The following GUCY1B1 variants were observed in gnomAD, a reference collection of about 807,000 sequenced individuals.
GUCY1B1 encodes guanylate cyclase 1 soluble subunit beta 1.
GUCY1B1 carries 43 observed loss-of-function variants against 71.0 expected under a neutral mutation model. The ratio of observed to expected loss-of-function variants is 0.61; its 90% CI spans 0.47 to 0.78. The LOEUF is 0.78. GUCY1B1 is among the 30% of genes least tolerant of loss of function. GUCY1B1 has a pLI of 0.00. For missense variants in GUCY1B1, 535 were observed against 754.1 expected (o/e 0.71, Z 3.40); for synonymous variants, 266 against 259.7 (o/e 1.02, Z -0.23).
At chr4:155,763,126 G>A (rs903822539) in intron 2 of GUCY1B1, among the ~76,000 whole-genome samples, 6 of 152,192 alleles carry the variant, frequency 3.9e-5, no homozygotes, top group Middle Eastern at 6.8e-3. Context: ...CCTTCCATCA[G>A]CCCTGACTAA....
intron 4 of GUCY1B1, among the ~76,000 whole-genome samples, chr4:155,788,272 C>T (rs910627723): frequency 2.0e-5 from 3 of 152,188 alleles, no homozygotes; most frequent in Non-Finnish European, 2.9e-5. Flanking sequence ...AGTTATAGGG[C>T]TGAGGACCCA....
chr4:155,786,184 T>C (rs1738750798), intron 4 of GUCY1B1, among the ~76,000 whole-genome samples: 1 of 151,942 alleles, frequency 6.6e-6, no homozygotes, highest in African/African-American at 2.4e-5. Flanking sequence ...ATAAGCACAT[T>C]GGTACATTGA....
At position 155,790,051 on chromosome 4, in the gene GUCY1B1, A is replaced by G. The variant is rs1407794738; in HGVS notation, c.495+140A>G. 5.1e-6 allele frequency: 3 copies of G among 593,422 alleles called. No individual in the cohort carries two copies. The African/African-American group carries it at 5.6e-5, about 11-fold the overall frequency. The allele number at this position is 593,422 out of a possible 1,614,324, so 36.8% of individuals were successfully genotyped here. A position where few individuals can be genotyped will look rare whatever the true frequency, so the allele number is the denominator to read the frequency against. Reference sequence around the variant, plus strand: ...TATAAGCCAAAACAGTGGAAAGACCAGCAATCTTCTATATTTGGCCTGGGA... The same window carrying G: ...TATAAGCCAAAACAGTGGAAAGACCGGCAATCTTCTATATTTGGCCTGGGA... On this transcript the variant is annotated intron_variant, in intron 5 of 13. Transcript: ENST00000264424.
chr4:155,803,956 A>G (rs1740133111), intron 11 of GUCY1B1, among the ~76,000 whole-genome samples, 192 bp downstream of exon 11: 1 of 152,188 alleles, frequency 6.6e-6, no homozygotes, highest in Non-Finnish European at 1.5e-5. Context: ...GTTTGAAATT[A>G]TCTAGTCCGT....
chr4:155,782,145 G>A (rs967123739), intron 4 of GUCY1B1, among the ~76,000 whole-genome samples: 5 of 151,932 alleles, frequency 3.3e-5, no homozygotes, highest in Admixed American at 6.6e-5. Context: ...GCGCAGTCTC[G>A]GCTCACTGCA....
chr4:155,773,789 G>A (rs1424134776), intron 2 of GUCY1B1, among the ~76,000 whole-genome samples: 7 of 152,136 alleles, frequency 4.6e-5, no homozygotes, highest in East Asian at 1.9e-4. Context: ...ACGGGTTCAC[G>A]CCATTCTCCT....
At chr4:155,771,114 A>G (rs900978933) in intron 2 of GUCY1B1, among the ~76,000 whole-genome samples, 10 of 152,228 alleles carry the variant, frequency 6.6e-5, no homozygotes, top group African/African-American at 2.2e-4. Context: ...AAGAAAAAGA[A>G]AAAGGGTAGC....
chr4:155,807,213 G>A lies in GUCY1B1; in HGVS notation c.*804G>A, dbSNP rs1209211750. 5 of 152,224 alleles carry A rather than the reference G, an allele frequency of 3.3e-5. No individual in the cohort carries two copies. The highest frequency in any genetic ancestry group is 6.8e-3 in the Middle Eastern group (2 of 294). The allele number at this position is 152,224 out of a possible 1,614,324, so 9.4% of individuals were successfully genotyped here. ...TTACATTAGTTCAGGCTAAATGTTG[G>A]GAGCTCCAACCACATCCAAGAATAA... On this transcript the variant is annotated 3_prime_UTR_variant, in exon 14 of 14. Transcript: ENST00000264424.
chr4:155,771,027 T>C (rs907950291), intron 2 of GUCY1B1, among the ~76,000 whole-genome samples: 6 of 152,196 alleles, frequency 3.9e-5, no homozygotes, highest in African/African-American at 7.2e-5. Context: ...TTCATTGATA[T>C]ATTAAAAGTG....
intron 4 of GUCY1B1, among the ~76,000 whole-genome samples, chr4:155,780,551 G>A (rs1738347513): frequency 6.6e-6 from 1 of 152,188 alleles, no homozygotes; most frequent in African/African-American, 2.4e-5. Context: ...CAGAGATCAT[G>A]TATAATCTCT....
At chr4:155,805,640 T>C (rs957779268) in intron 13 of GUCY1B1, among the ~76,000 whole-genome samples, 5 of 152,168 alleles carry the variant, frequency 3.3e-5, no homozygotes, top group Admixed American at 6.6e-5. Flanking sequence ...TTCTTAACCA[T>C]GAAGCTTAAG....
At chr4:155,780,926 A>G (rs922517315) in intron 4 of GUCY1B1, among the ~76,000 whole-genome samples, 3 of 152,178 alleles carry the variant, frequency 2.0e-5, no homozygotes, top group East Asian at 1.9e-4. Flanking sequence ...TTTAGGGAAC[A>G]CTAAAATAGC....
chr4:155,769,095 T>A (rs1179586969), intron 2 of GUCY1B1, among the ~76,000 whole-genome samples: 1 of 152,126 alleles, frequency 6.6e-6, no homozygotes, highest in East Asian at 1.9e-4. Context: ...AACTTACCAG[T>A]TAGAGGAAGT....
chr4:155,778,970 CT>C (rs75584237), intron 4 of GUCY1B1, among the ~76,000 whole-genome samples: 14,054 of 143,904 alleles, frequency 0.098, 619 homozygotes, highest in African/African-American at 0.13. Context: ...TTATTAATTC[CT>C]TTTTTTTTTT....
At chr4:155,788,676 A>G (rs924695315) in intron 4 of GUCY1B1, among the ~76,000 whole-genome samples, 1 of 152,240 alleles carries the variant, frequency 6.6e-6, no homozygotes, top group African/African-American at 2.4e-5. Context: ...CTTTATATAC[A>G]TGTTTAAAGT....
intron 2 of GUCY1B1, among the ~76,000 whole-genome samples, chr4:155,768,542 T>A (rs1579194917): frequency 6.6e-6 from 1 of 151,384 alleles, no homozygotes; most frequent in East Asian, 1.9e-4. Flanking sequence ...TAAACATGTA[T>A]ACCTTTATTA....
chr4:155,776,216 TA>T (rs1310925762), intron 3 of GUCY1B1, among the ~76,000 whole-genome samples: 3 of 152,142 alleles, frequency 2.0e-5, no homozygotes, highest in Non-Finnish European at 2.9e-5. Flanking sequence ...GAAAGCCTTT[TA>T]AAAAAATATT....
At position 155,805,210 on chromosome 4, in the gene GUCY1B1, G is replaced by GA. The variant is rs757993339; in HGVS notation, c.1823dup (p.Asn608LysfsTer11). 4.3e-6 allele frequency: 7 copies of GA among 1,609,986 alleles called. No homozygotes were observed. The highest frequency in any genetic ancestry group is 5.9e-6 in the Non-Finnish European group (7 of 1,177,780). On this transcript the variant is annotated frameshift_variant, in exon 13 of 14. Transcript: ENST00000264424. LOFTEE classifies it high-confidence loss of function. ...CCAATGCAAGTTTGGTTTCTATCCA[G>GA]AAAAAATACAGGAACAGAGGTATGA...
At chr4:155,767,544 C>T (rs1186554294) in intron 2 of GUCY1B1, among the ~76,000 whole-genome samples, 2 of 152,050 alleles carry the variant, frequency 1.3e-5, no homozygotes, top group Non-Finnish European at 2.9e-5. Flanking sequence ...GTTGTTTCCC[C>T]TAAAACTAAG....
Sources: gnomAD v4.1 joint callset for allele counts (sites outside exome capture counted in the v4.1 genomes callset) on GRCh38, gnomAD v4.1.1 for gene constraint, MANE v1.5 for transcripts, NCBI Gene and HGNC (gene_info 2026-07-23, HGNC 2026-07-21) for gene names.